The following ZSCAN4 variants were observed in gnomAD, a reference collection of about 807,000 sequenced individuals.
ZSCAN4 encodes zinc finger and SCAN domain-containing protein 4.
In ZSCAN4, 18 loss-of-function variants were observed where a neutral mutation model predicts 18.3. The ratio of observed to expected loss-of-function variants is 0.98; its 90% CI spans 0.68 to 1.46. The LOEUF (loss-of-function observed/expected upper bound fraction) is 1.46, where lower values mean the gene tolerates loss of function less well. Ranked by LOEUF, ZSCAN4 falls within the 40% of genes most tolerant of loss-of-function variation. The pLI is 0.00. For missense variants in ZSCAN4, 498 were observed against 511.4 expected (o/e 0.97, Z 0.25); for synonymous variants, 193 against 180.3 (o/e 1.07, Z -0.57).
At chr19:57,654,417 G>A in the ZSCAN4 span, among the ~76,000 whole-genome samples, 1 of 152,032 alleles carries the variant, frequency 6.6e-6, no homozygotes, top group South Asian at 2.1e-4. Flanking sequence ...AACAATAGCA[G>A]CATACCACAC....
At chr19:57,674,245 A>C (rs1249261162) in intron 2 of ZSCAN4, among the ~76,000 whole-genome samples, 1 of 152,182 alleles carries the variant, frequency 6.6e-6, no homozygotes, top group East Asian at 1.9e-4. Context: ...ATATTGGTGG[A>C]AATTGGACTT....
intron 1 of ZSCAN4, among the ~76,000 whole-genome samples, chr19:57,669,847 C>T (rs1983966507): frequency 6.6e-6 from 1 of 152,062 alleles, no homozygotes; most frequent in Non-Finnish European, 1.5e-5. Context: ...ACAGACATGC[C>T]ACCATGCCTG....
chr19:57,677,846 C>G (rs1984230977), intron 3 of ZSCAN4, 68 bp from the exon 4 acceptor site: 12 of 1,447,354 alleles, frequency 8.3e-6, no homozygotes, highest in Non-Finnish European at 1.1e-5. Flanking sequence ...TGTTAAGGAC[C>G]ACTTTTCCAA....
the ZSCAN4 span, among the ~76,000 whole-genome samples, chr19:57,661,706 T>C: frequency 1.3e-5 from 2 of 152,212 alleles, no homozygotes; most frequent in African/African-American, 2.4e-5. Context: ...AAGTGAGTGA[T>C]AAAAGTAGAC....
the ZSCAN4 span, among the ~76,000 whole-genome samples, chr19:57,652,926 C>T: frequency 1.5e-4 from 23 of 152,144 alleles, no homozygotes; most frequent in Non-Finnish European, 7.4e-5. Flanking sequence ...TCCCCTCTTA[C>T]CCCTGAGGAC....
chr19:57,674,017 G>T (rs140731133), intron 2 of ZSCAN4, among the ~76,000 whole-genome samples: 210 of 152,294 alleles, frequency 1.4e-3, no homozygotes, highest in African/African-American at 4.9e-3. Context: ...GCCTCCCAAA[G>T]TGTTGGGATT....
intron 2 of ZSCAN4, among the ~76,000 whole-genome samples, chr19:57,674,652 T>A (rs192329406): frequency 1.3e-5 from 2 of 152,280 alleles, no homozygotes; most frequent in African/African-American, 4.8e-5. Flanking sequence ...TGTCTTTTTT[T>A]ATATAATGAT....
At chr19:57,673,345 T>C (rs1039403937) in intron 2 of ZSCAN4, among the ~76,000 whole-genome samples, 2 of 152,018 alleles carry the variant, frequency 1.3e-5, no homozygotes, top group Non-Finnish European at 2.9e-5. Context: ...ATTTTATAAA[T>C]GAAAGTTTGC....
At chr19:57,678,429 T>C in exon 5 of ZSCAN4, 2 of 1,614,044 alleles carry the variant, frequency 1.2e-6, no homozygotes, top group Non-Finnish European at 1.7e-6. Flanking sequence ...AGGGTGTATC[T>C]CTCAACCAGA....
At chr19:57,668,449 A>G (rs769851644), upstream of ZSCAN4, among the ~76,000 whole-genome samples, 16 of 152,176 alleles carry the variant, frequency 1.1e-4, no homozygotes, top group Non-Finnish European at 1.6e-4. Context: ...GGGGAAGTCA[A>G]GCAGACATTT....
the ZSCAN4 span, among the ~76,000 whole-genome samples, chr19:57,657,242 G>A: frequency 6.6e-6 from 1 of 151,348 alleles, no homozygotes; most frequent in African/African-American, 2.4e-5. Context: ...GGCAACAAGA[G>A]TGAAACTCCG....
exon 3 of ZSCAN4, chr19:57,676,252 A>C: frequency 6.2e-7 from 1 of 1,614,134 alleles, no homozygotes; most frequent in African/African-American, 1.3e-5. Flanking sequence ...GTTCAGAGAG[A>C]AGAAGGGATT....
the ZSCAN4 span, among the ~76,000 whole-genome samples, chr19:57,657,875 A>G: frequency 6.6e-6 from 1 of 152,218 alleles, no homozygotes; most frequent in East Asian, 1.9e-4. Context: ...CACCTAATAC[A>G]GTGTAAATGC....
At chr19:57,677,944 C>T (rs1221600494) in exon 4 of ZSCAN4, 1 of 1,564,474 alleles carries the variant, frequency 6.4e-7, no homozygotes. Flanking sequence ...ACAGGAAGCT[C>T]TCTTTTCTGA....
At chr19:57,669,467 G>A (rs189729958) in intron 1 of ZSCAN4, among the ~76,000 whole-genome samples, 1 of 151,682 alleles carries the variant, frequency 6.6e-6, no homozygotes, top group African/African-American at 2.4e-5. Context: ...TACCTCTGTC[G>A]CCCAGGCTGC....
exon 5 of ZSCAN4, chr19:57,678,968 C>G: frequency 6.9e-7 from 1 of 1,456,508 alleles, no homozygotes. Flanking sequence ...TAGTATTTAT[C>G]TACTTAGGAT....
chr19:57,678,506 T>A (rs1215111209), exon 5 of ZSCAN4: 3 of 1,614,078 alleles, frequency 1.9e-6, no homozygotes, highest in Admixed American at 3.3e-5. Flanking sequence ...GTGAGGTACA[T>A]CAGAAAGGAT....
chr19:57,678,771 C>T, exon 5 of ZSCAN4: 1 of 1,614,070 alleles, frequency 6.2e-7, no homozygotes, highest in Non-Finnish European at 8.5e-7. Flanking sequence ...TGAGAGAATC[C>T]ACACAGGAGA....
the ZSCAN4 span, among the ~76,000 whole-genome samples, chr19:57,652,273 A>G: frequency 1.5e-3 from 224 of 152,320 alleles, 2 homozygotes; most frequent in African/African-American, 5.2e-3. Context: ...CTTGGCCCCA[A>G]TATAAGCTGG....
Sources: allele counts gnomAD v4.1 joint callset (sites outside exome capture counted in the v4.1 genomes callset), GRCh38; gene constraint gnomAD v4.1.1; transcripts MANE v1.5; gene names NCBI Gene and HGNC (gene_info 2026-07-23, HGNC 2026-07-21).